Variants in COL22A1 observed in about 807,000 individuals in gnomAD.
COL22A1 encodes the protein collagen alpha-1(XXII) chain.
In COL22A1, 221 loss-of-function variants were observed where a neutral mutation model predicts 248.9. That is an observed-to-expected ratio of 0.89 (90% CI 0.80 to 0.99). The LOEUF is 0.99. Among genes scored for constraint, COL22A1 ranks in the 50% least tolerant of loss-of-function variants. COL22A1 has a pLI of 0.00. For missense variants in COL22A1, 2,240 were observed against 2,179.0 expected, an observed-to-expected ratio of 1.03 and a Z score of -0.56; for synonymous variants, 891 against 793.4, an observed-to-expected ratio of 1.12 and a Z score of -2.07.
rs200181726 is a variant in COL22A1, at chr8:138,610,904, C to CG, written c.3979-2916_3979-2915insC. Among the ~76,000 whole-genome samples the CG allele has an allele frequency of 6.6e-3, 1,008 of 152,150 alleles. 8 individuals are homozygous for CG. The highest frequency in any genetic ancestry group is 0.011 in the Non-Finnish European group (752 of 67,998). ...CATAGTGAGACCTCATATCTACAAACATTTTTTTTAAATTCGCTGGGCATG... is the reference window on the plus strand; with the variant it reads ...CATAGTGAGACCTCATATCTACAAACGATTTTTTTTAAATTCGCTGGGCATG... On this transcript the variant is annotated intron_variant, in intron 56 of 64. Coordinates refer to ENST00000303045, the MANE Select transcript of COL22A1 (RefSeq NM_152888.3).
chr8:138,756,630 T>C (rs1205575197), intron 18 of COL22A1, among the ~76,000 whole-genome samples: 2 of 152,174 alleles, frequency 1.3e-5, no homozygotes, highest in African/African-American at 4.8e-5. Flanking sequence ...AAACCTGTTG[T>C]TAATGAAGCT....
At chr8:138,726,845 G>T (rs547719247) in intron 23 of COL22A1, among the ~76,000 whole-genome samples, 1 of 152,224 alleles carries the variant, frequency 6.6e-6, no homozygotes, top group East Asian at 1.9e-4. Flanking sequence ...TAGTGAGGAG[G>T]AGCGACTTTG....
chr8:138,758,406 C>T (rs774324677), intron 18 of COL22A1, among the ~76,000 whole-genome samples: 8 of 152,098 alleles, frequency 5.3e-5, no homozygotes, highest in Non-Finnish European at 1.0e-4. Flanking sequence ...TATTATACAG[C>T]GGTAGGTAAC....
At chr8:138,852,824 G>A (rs1045798046) in intron 3 of COL22A1, among the ~76,000 whole-genome samples, 2 of 151,960 alleles carry the variant, frequency 1.3e-5, no homozygotes, top group African/African-American at 4.8e-5. Context: ...AGCAGTCCAA[G>A]GCACCAATTC....
intron 46 of COL22A1, among the ~76,000 whole-genome samples, chr8:138,648,639 C>T (rs1480291653): frequency 6.6e-6 from 1 of 152,006 alleles, no homozygotes; most frequent in Non-Finnish European, 1.5e-5. Context: ...AGTTAGGATC[C>T]ATCTCTGTGA....
intron 53 of COL22A1, among the ~76,000 whole-genome samples, chr8:138,618,976 A>T (rs1418916879): frequency 6.6e-6 from 1 of 152,174 alleles, no homozygotes; most frequent in Non-Finnish European, 1.5e-5. Context: ...GAATATTAAA[A>T]ACTTTACTTC....
chr8:138,617,608 C>A (rs1379666732), intron 53 of COL22A1, among the ~76,000 whole-genome samples: 2 of 152,196 alleles, frequency 1.3e-5, no homozygotes, highest in Non-Finnish European at 2.9e-5. Context: ...GTGTGAAAAT[C>A]TGCACTTAGT....
At chr8:138,706,691 A>T (rs1828485825) in intron 30 of COL22A1, among the ~76,000 whole-genome samples, 1 of 152,252 alleles carries the variant, frequency 6.6e-6, no homozygotes, top group South Asian at 2.1e-4. Context: ...AGCAGGAAAG[A>T]TCTAAAATTG....
intron 60 of COL22A1, among the ~76,000 whole-genome samples, chr8:138,600,597 G>C (rs1249584498): frequency 6.6e-6 from 1 of 152,146 alleles, no homozygotes; most frequent in Non-Finnish European, 1.5e-5. Flanking sequence ...CCCTGGAGAG[G>C]AGATGGGGCT....
intron 39 of COL22A1, among the ~76,000 whole-genome samples, chr8:138,681,042 C>T (rs1825924251): frequency 6.6e-6 from 1 of 152,178 alleles, no homozygotes; most frequent in African/African-American, 2.4e-5. Context: ...CCCCCACTTC[C>T]CCTAGGCTTC....
intron 41 of COL22A1, among the ~76,000 whole-genome samples, chr8:138,670,435 G>C (rs1824918447): frequency 6.6e-6 from 1 of 152,144 alleles, no homozygotes; most frequent in South Asian, 2.1e-4. Context: ...GCTGGGGCCT[G>C]GGGTAACCAT....
intron 13 of COL22A1, among the ~76,000 whole-genome samples, chr8:138,780,093 T>C (rs947244295): frequency 1.3e-5 from 2 of 152,168 alleles, no homozygotes; most frequent in Non-Finnish European, 2.9e-5. Context: ...TACTCACTTC[T>C]GTGGCTGGAA....
intron 4 of COL22A1, among the ~76,000 whole-genome samples, chr8:138,837,241 C>T (rs554054309): frequency 6.6e-6 from 1 of 152,298 alleles, no homozygotes; most frequent in African/African-American, 2.4e-5. Flanking sequence ...CCCAGAGCCC[C>T]ACCTCTTTCA....
intron 3 of COL22A1, among the ~76,000 whole-genome samples, chr8:138,864,081 C>T (rs1349527679): frequency 6.6e-6 from 1 of 152,100 alleles, no homozygotes; most frequent in Admixed American, 6.6e-5. Context: ...TTTACTTCAT[C>T]CCACAGAGGA....
At chr8:138,906,520 G>A (rs1169373926) in intron 1 of COL22A1, among the ~76,000 whole-genome samples, 2 of 152,196 alleles carry the variant, frequency 1.3e-5, no homozygotes, top group Admixed American at 6.5e-5. Flanking sequence ...AAATAAATGA[G>A]TTGAAGTGTC....
At chr8:138,721,418 A>T (rs757087636) in intron 26 of COL22A1, among the ~76,000 whole-genome samples, 80 of 152,270 alleles carry the variant, frequency 5.3e-4, no homozygotes, top group Admixed American at 8.5e-4. Flanking sequence ...AAGTATTGAA[A>T]CCTGTATTTG....
At chr8:138,663,629 T>C (rs1399404282) in intron 42 of COL22A1, 76 bp downstream of exon 42, 2 of 1,170,404 alleles carry the variant, frequency 1.7e-6, no homozygotes, top group East Asian at 4.7e-5. Flanking sequence ...TTTTGGTGCT[T>C]CCCATTTAAA....
chr8:138,806,084 G>GTGTGAGATGGTGTAGT lies in COL22A1; in HGVS notation c.1494+1683_1494+1684insACTACACCATCTCACA, dbSNP rs1563788355. Among the ~76,000 whole-genome samples, 85 of 9,710 alleles carry GTGTGAGATGGTGTAGT rather than the reference G, an allele frequency of 8.8e-3. 19 individuals are homozygous for GTGTGAGATGGTGTAGT. The highest frequency in any genetic ancestry group is 0.012 in the Admixed American group (8 of 666). The allele number at this position is 9,710 out of a possible 152,430, so 6.4% of individuals were successfully genotyped here. On this transcript the variant is annotated intron_variant, in intron 10 of 64. Transcript: ENST00000303045. ...TGTGGTGGTGTGTGTGATGGTGTGT[G>GTGTGAGATGGTGTAGT]TAATGGTGTGTGATGGTGTGTTTGT...
intron 3 of COL22A1, among the ~76,000 whole-genome samples, chr8:138,847,799 TA>T (rs11326722): frequency 0.067 from 9,340 of 139,574 alleles, 833 homozygotes; most frequent in African/African-American, 0.21. Flanking sequence ...GGCATAAGAT[TA>T]AAAAAAAAAA....
Sources: gnomAD v4.1 joint callset for allele counts (sites outside exome capture counted in the v4.1 genomes callset) on GRCh38, gnomAD v4.1.1 for gene constraint, MANE v1.5 for transcripts, NCBI Gene and HGNC (gene_info 2026-07-23, HGNC 2026-07-21) for gene names.